CORO2A: variants seen among roughly 807,000 people sequenced by gnomAD.
The protein encoded by CORO2A is coronin 2A.
A neutral mutation model predicts 62.4 loss-of-function variants in CORO2A; 47 were observed. The ratio of observed to expected loss-of-function variants is 0.75; its 90% CI spans 0.60 to 0.96. The LOEUF (loss-of-function observed/expected upper bound fraction) is 0.96, where lower values mean the gene tolerates loss of function less well. Among genes scored for constraint, CORO2A ranks in the 40% least tolerant of loss-of-function variants. CORO2A has a pLI of 0.00. For missense variants in CORO2A, 610 were observed against 684.1 expected (o/e 0.89, Z 1.21); for synonymous variants, 273 against 268.9 (o/e 1.02, Z -0.15).
intron 1 of CORO2A, among the ~76,000 whole-genome samples, chr9:98,157,870 A>G (rs1827829006): frequency 6.6e-6 from 1 of 152,206 alleles, no homozygotes; most frequent in Admixed American, 6.5e-5. Flanking sequence ...GGGATGAAGC[A>G]TAGCTATTAC....
intron 2 of CORO2A, among the ~76,000 whole-genome samples, chr9:98,154,300 G>A (rs1049569350): frequency 1.0e-5 from 1 of 95,534 alleles, no homozygotes; most frequent in African/African-American, 3.9e-5. Context: ...AAACCATCTA[G>A]GCCTAGAGTC....
chr9:98,142,564 G>A (rs1455955171), intron 2 of CORO2A, among the ~76,000 whole-genome samples: 2 of 152,192 alleles, frequency 1.3e-5, no homozygotes, highest in Non-Finnish European at 2.9e-5. Flanking sequence ...CCCAATTTCC[G>A]CAGTGCGGTT....
At chr9:98,183,510 T>C (rs1190732685) in intron 1 of CORO2A, among the ~76,000 whole-genome samples, 2 of 152,346 alleles carry the variant, frequency 1.3e-5, no homozygotes, top group African/African-American at 4.8e-5. Context: ...GAGTATTTTA[T>C]TATCTAAATA....
At chr9:98,192,023 G>A (rs567881125) in intron 1 of CORO2A, among the ~76,000 whole-genome samples, 46 of 152,344 alleles carry the variant, frequency 3.0e-4, no homozygotes, top group Middle Eastern at 3.4e-3. Context: ...CCCTCTTGGC[G>A]GGCCGGCTGA....
chr9:98,161,281 C>T (rs981467396), intron 1 of CORO2A, among the ~76,000 whole-genome samples: 4 of 152,076 alleles, frequency 2.6e-5, no homozygotes, highest in Non-Finnish European at 5.9e-5. Context: ...AAGCTGGGCA[C>T]GGTGGCTCAC....
At chr9:98,149,823 G>A (rs1164560111) in intron 2 of CORO2A, among the ~76,000 whole-genome samples, 2 of 152,130 alleles carry the variant, frequency 1.3e-5, no homozygotes, top group African/African-American at 4.8e-5. Context: ...TGTGATGATA[G>A]CAATTAACAT....
intron 1 of CORO2A, among the ~76,000 whole-genome samples, chr9:98,173,064 G>T (rs1828060406): frequency 6.6e-6 from 1 of 152,232 alleles, no homozygotes; most frequent in Non-Finnish European, 1.5e-5. Flanking sequence ...CAGCACTTTA[G>T]GAGGCCGAGG....
At chr9:98,144,778 C>G (rs777738857) in intron 2 of CORO2A, among the ~76,000 whole-genome samples, 17 of 152,038 alleles carry the variant, frequency 1.1e-4, no homozygotes, top group Non-Finnish European at 2.5e-4. Context: ...GCTGAAGCAG[C>G]CAGCGGGCAC....
At chr9:98,144,267 G>A (rs1018465786) in intron 2 of CORO2A, among the ~76,000 whole-genome samples, 1 of 151,896 alleles carries the variant, frequency 6.6e-6, no homozygotes, top group Non-Finnish European at 1.5e-5. Flanking sequence ...AGTGCCAGCT[G>A]CGTTGCTCAT....
In CORO2A at chr9:98,169,170, CAA is replaced by C. The variant is rs369326515; in HGVS notation, c.1-11512_1-11511del. 2.2e-4 allele frequency among the ~76,000 whole-genome samples: 34 copies of C among 152,334 alleles called. No individual in the cohort carries two copies. The South Asian group carries it at 4.8e-3, about 21-fold the overall frequency. On this transcript the variant is annotated intron_variant, in intron 1 of 11. Transcript: ENST00000375077. ...AGCCGGCAAATGCAAACAGCAAATGCAAAGAGTCCCGTCCTCAGGTTTCCGCC... is the reference window on the plus strand; with the variant it reads ...AGCCGGCAAATGCAAACAGCAAATGCAGAGTCCCGTCCTCAGGTTTCCGCC...
At chr9:98,170,979 G>A (rs1291134992) in intron 1 of CORO2A, among the ~76,000 whole-genome samples, 2 of 152,166 alleles carry the variant, frequency 1.3e-5, no homozygotes, top group African/African-American at 4.8e-5. Flanking sequence ...TGGACCTTCT[G>A]GAGACAGAGC....
intron 2 of CORO2A, among the ~76,000 whole-genome samples, chr9:98,138,411 C>CA (rs35123837): frequency 0.13 from 12,541 of 99,042 alleles, 643 homozygotes; most frequent in Non-Finnish European, 0.16. Flanking sequence ...AACTATGTCT[C>CA]AAAAAAAAAA....
chr9:98,168,721 A>C (rs1423437988), intron 1 of CORO2A, among the ~76,000 whole-genome samples: 3 of 152,272 alleles, frequency 2.0e-5, no homozygotes, highest in African/African-American at 4.8e-5. Context: ...GATGTGATTT[A>C]ACACACAACA....
intron 8 of CORO2A, among the ~76,000 whole-genome samples, chr9:98,129,532 C>T (rs1827374210): frequency 6.6e-6 from 1 of 152,226 alleles, no homozygotes; most frequent in African/African-American, 2.4e-5. Context: ...ACATCCCTCT[C>T]TCCCCTGCTG....
In CORO2A at chr9:98,122,375, T is replaced by C. The variant is rs999436511; in HGVS notation, c.*2399A>G. 4 of 152,210 alleles carry C rather than the reference T, an allele frequency of 2.6e-5. No homozygotes were observed. Among genetic ancestry groups the C allele is most frequent in the Non-Finnish European group, 5.9e-5 (4 of 68,060 alleles). 9.4% of individuals were successfully genotyped at this position (152,210 alleles called of 1,614,324 possible). A position where few individuals can be genotyped will look rare whatever the true frequency, so the allele number is the denominator to read the frequency against. ...CTGCACGCTCCCAAGGGAATTCTAA[T>C]GTACACAGCTTGGGTTGAAACCTAC... On this transcript the variant is annotated 3_prime_UTR_variant, in exon 12 of 12. Coordinates refer to ENST00000375077, the MANE Select transcript of CORO2A (RefSeq NM_052820.4).
intron 1 of CORO2A, among the ~76,000 whole-genome samples, chr9:98,182,215 C>A (rs1828186088): frequency 6.6e-6 from 1 of 152,140 alleles, no homozygotes; most frequent in Non-Finnish European, 1.5e-5. Context: ...AGTAATCAAT[C>A]GTGAACAAAG....
chr9:98,167,252 T>C (rs1195692887), intron 1 of CORO2A, among the ~76,000 whole-genome samples: 1 of 152,002 alleles, frequency 6.6e-6, no homozygotes, highest in Non-Finnish European at 1.5e-5. Context: ...TTACTTTGAG[T>C]AGGCAAAATC....
Position 98,157,567 on chromosome 9 carries a change from T to C in CORO2A, c.94A>G (p.Thr32Ala). The C allele has an allele frequency of 6.2e-7, 1 of 1,614,034 alleles. No individual in the cohort carries two copies. Among genetic ancestry groups the C allele is most frequent in the Non-Finnish European group, 8.5e-7 (1 of 1,179,988 alleles). The change falls in exon 2 of 12, where the codon ACC (threonine) becomes GCC (alanine). Residue 32 changes from threonine to alanine, a missense_variant. Physicochemically the swap from Thr to Ala is moderately conservative, Grantham distance 58. Coordinates refer to ENST00000375077, the MANE Select transcript of CORO2A (RefSeq NM_052820.4). ...AAGTGGTTGTCGTGAACGCTGCGGG[T>C]GATAGGCACGGAGTCGTAGCAGTTC... is the stretch of plus-strand genomic sequence containing the variant. ...KENCYDSVPITRSVHDNHFCA... is the reference protein window; with the variant it reads ...KENCYDSVPIARSVHDNHFCA...
At chr9:98,187,793 T>C (rs1828257921) in intron 1 of CORO2A, among the ~76,000 whole-genome samples, 1 of 152,142 alleles carries the variant, frequency 6.6e-6, no homozygotes, top group Non-Finnish European at 1.5e-5. Flanking sequence ...ATTCAGACCA[T>C]AGCAATCTCG....
Sources: allele counts gnomAD v4.1 joint callset (sites outside exome capture counted in the v4.1 genomes callset), GRCh38; gene constraint gnomAD v4.1.1; transcripts MANE v1.5; gene names NCBI Gene and HGNC (gene_info 2026-07-23, HGNC 2026-07-21).